Variants in LRRFIP1 observed in about 807,000 individuals in gnomAD.
The protein encoded by LRRFIP1 is leucine-rich repeat flightless-interacting protein 1.
Under a neutral mutation model 104.4 loss-of-function variants are expected in LRRFIP1, and 62 were observed. That is an observed-to-expected ratio of 0.59 (90% CI 0.48 to 0.73). The LOEUF (loss-of-function observed/expected upper bound fraction) is 0.73. Ranked by LOEUF, LRRFIP1 falls within the 30% of genes least tolerant of loss-of-function variation. The pLI is 0.00. For missense variants in LRRFIP1, 796 were observed against 824.5 expected, an observed-to-expected ratio of 0.97 and a Z score of 0.42; for synonymous variants, 300 against 299.0, an observed-to-expected ratio of 1.00 and a Z score of -0.03.
At chr2:237,738,601 AC>A (rs1325623836) in intron 10 of LRRFIP1, among the ~76,000 whole-genome samples, 3 of 152,258 alleles carry the variant, frequency 2.0e-5, no homozygotes, top group Non-Finnish European at 2.9e-5. Context: ...GCAGATGTGA[AC>A]ATAAATCAAA....
rs1277297105 is a variant in LRRFIP1, at chr2:237,691,693, C to T, written c.97-16851C>T. 5.9e-5 allele frequency among the ~76,000 whole-genome samples: 9 copies of T among 152,284 alleles called. 1 individual carries two copies. Among genetic ancestry groups the T allele is most frequent in the Admixed American group, 2.6e-4 (4 of 15,312 alleles). On this transcript the variant is annotated intron_variant, in intron 1 of 23. Transcript: ENST00000308482. The surrounding 1 kb of genome is among the most constrained non-coding windows in gnomAD (Gnocchi z 5.4). ...TCGCCCAGCCCCGGGCAGGTCCCCC[C>T]CCGGAGGGGACCCCCTCTTCGGGTC...
In LRRFIP1 at chr2:237,703,586, A is replaced by G. The variant is rs1436734606; in HGVS notation, c.97-4958A>G. Among the ~76,000 whole-genome samples, 1 of 151,780 alleles carries G rather than the reference A, an allele frequency of 6.6e-6. No individual in the cohort carries two copies. Among genetic ancestry groups the G allele is most frequent in the African/African-American group, 2.4e-5 (1 of 41,310 alleles). On this transcript the variant is annotated intron_variant, in intron 1 of 23. Transcript: ENST00000308482. The surrounding 1 kb of genome is among the most constrained non-coding windows in gnomAD (Gnocchi z 4.3). Reference sequence around the variant, plus strand: ...ACCCCGGCTCTGCTTGTCCTGTTTCAGGGTCCGGCTTAGGGCTCCTGTCCT... The same window carrying G: ...ACCCCGGCTCTGCTTGTCCTGTTTCGGGGTCCGGCTTAGGGCTCCTGTCCT...
chr2:237,638,392 G>A (rs920156881), intron 1 of LRRFIP1, among the ~76,000 whole-genome samples: 1 of 152,224 alleles, frequency 6.6e-6, no homozygotes, highest in African/African-American at 2.4e-5. Flanking sequence ...GATAGGGAGT[G>A]GCTGTAAATA....
intron 1 of LRRFIP1, among the ~76,000 whole-genome samples, chr2:237,654,300 A>G (rs181127431): frequency 6.6e-6 from 1 of 152,304 alleles, no homozygotes; most frequent in African/African-American, 2.4e-5. Context: ...GCAAATTAAA[A>G]CCACAATAAG....
At chr2:237,771,565 C>A (rs1040358507) in intron 20 of LRRFIP1, among the ~76,000 whole-genome samples, 1 of 83,876 alleles carries the variant, frequency 1.2e-5, no homozygotes, top group African/African-American at 5.8e-5. Flanking sequence ...CCCCCCCCCC[C>A]GCCCAGATAC....
rs200474351 is a variant in LRRFIP1, at chr2:237,693,586, TC to T, written c.97-14956del. 3.1e-3 allele frequency among the ~76,000 whole-genome samples: 469 copies of T among 152,226 alleles called. 11 individuals carry two copies. In the East Asian group the frequency reaches 0.046, roughly 15 times the overall value. On this transcript the variant is annotated intron_variant, in intron 1 of 23. Transcript: ENST00000308482. ...GTTTTTACCCCTTCAACTAATTAGTTCCTAGGGGCCTGGGAAGAGAGACCCT... is the reference window on the plus strand; with the variant it reads ...GTTTTTACCCCTTCAACTAATTAGTTCTAGGGGCCTGGGAAGAGAGACCCT...
At chr2:237,750,423 AC>A (rs2058474370) in intron 13 of LRRFIP1, among the ~76,000 whole-genome samples, 1 of 124,462 alleles carries the variant, frequency 8.0e-6, no homozygotes, top group African/African-American at 3.2e-5. Context: ...TGCAACCTCC[AC>A]CTCCCAGGTT....
intron 5 of LRRFIP1, 84 bp downstream of exon 5, chr2:237,719,651 T>G: frequency 1.1e-6 from 1 of 873,250 alleles, no homozygotes; most frequent in Non-Finnish European, 1.8e-6. Flanking sequence ...ATATAATATA[T>G]TCAATCTCTT....
chr2:237,756,647 A>C (rs1257366102), intron 16 of LRRFIP1, among the ~76,000 whole-genome samples: 1 of 152,190 alleles, frequency 6.6e-6, no homozygotes, highest in Non-Finnish European at 1.5e-5. Flanking sequence ...TAAATCTGAG[A>C]GTTTAGGCTA....
chr2:237,664,512 G>A (rs753685196), intron 1 of LRRFIP1, among the ~76,000 whole-genome samples: 4 of 152,254 alleles, frequency 2.6e-5, no homozygotes, highest in African/African-American at 4.8e-5. Context: ...CCAGGGAGGC[G>A]TGAAGAGAAC....
intron 1 of LRRFIP1, among the ~76,000 whole-genome samples, chr2:237,641,306 G>T (rs1374971327): frequency 2.0e-5 from 3 of 151,612 alleles, no homozygotes; most frequent in Non-Finnish European, 4.4e-5. Context: ...GAGGTTAGGA[G>T]TTCAAGACTA....
At chr2:237,729,360 C>G (rs1224592399) in intron 8 of LRRFIP1, among the ~76,000 whole-genome samples, 1 of 152,234 alleles carries the variant, frequency 6.6e-6, no homozygotes, top group African/African-American at 2.4e-5. Flanking sequence ...TTCTGGCACC[C>G]CAGGGCTGAG....
At chr2:237,708,743 A>T in intron 2 of LRRFIP1, 113 bp downstream of exon 2, 1 of 1,218,744 alleles carries the variant, frequency 8.2e-7, no homozygotes, top group Non-Finnish European at 1.2e-6. Flanking sequence ...CACGTTGCTC[A>T]CGGTCAGAGT....
chr2:237,660,600 C>T (rs2087721940), intron 1 of LRRFIP1, among the ~76,000 whole-genome samples: 1 of 152,230 alleles, frequency 6.6e-6, no homozygotes, highest in Non-Finnish European at 1.5e-5. Flanking sequence ...TCTTGCACCT[C>T]TACTCCCATG....
intron 1 of LRRFIP1, among the ~76,000 whole-genome samples, chr2:237,675,762 C>T (rs146123757): frequency 6.9e-4 from 105 of 152,208 alleles, no homozygotes; most frequent in African/African-American, 2.5e-3. Flanking sequence ...ATAAAAACAC[C>T]CATGGCTCCA....
At chr2:237,701,899 C>T (rs952124744) in intron 1 of LRRFIP1, among the ~76,000 whole-genome samples, 1 of 152,202 alleles carries the variant, frequency 6.6e-6, no homozygotes, top group Admixed American at 6.5e-5. Flanking sequence ...GCCTGGCTCC[C>T]GAGATGTCAC....
At chr2:237,772,290 T>A in intron 21 of LRRFIP1, 92 bp downstream of exon 21, 2 of 968,230 alleles carry the variant, frequency 2.1e-6, no homozygotes, top group South Asian at 2.9e-5. Context: ...CGGCAAAGAA[T>A]GCCCTCATTC....
chr2:237,746,781 G>T (rs1329392242), intron 11 of LRRFIP1, among the ~76,000 whole-genome samples: 1 of 152,218 alleles, frequency 6.6e-6, no homozygotes, highest in Non-Finnish European at 1.5e-5. Flanking sequence ...GTAAGCAGCT[G>T]GGATTGTGGA....
intron 19 of LRRFIP1, among the ~76,000 whole-genome samples, chr2:237,762,120 T>G (rs1260462719): frequency 6.6e-6 from 1 of 152,222 alleles, no homozygotes; most frequent in Non-Finnish European, 1.5e-5. Context: ...TTTCTAAAAG[T>G]GCACTGAATA....
Sources: gnomAD v4.1 joint callset for allele counts (sites outside exome capture counted in the v4.1 genomes callset) on GRCh38, gnomAD v4.1.1 for gene constraint, Gnocchi (gnomAD v3.1) non-coding constraint, MANE v1.5 for transcripts, NCBI Gene and HGNC (gene_info 2026-07-23, HGNC 2026-07-21) for gene names.